Variants in SPATA16 observed in about 807,000 individuals in gnomAD.
SPATA16 encodes the protein spermatogenesis associated 16.
SPATA16 carries 36 observed loss-of-function variants against 63.3 expected under a neutral mutation model. The observed-to-expected ratio is 0.57, with a 90% CI of 0.44 to 0.75. The LOEUF is 0.75. Among genes scored for constraint, SPATA16 ranks in the 30% least tolerant of loss-of-function variants. The probability of loss-of-function intolerance (pLI) is 0.00; values close to 1 mark genes in which losing one functional copy is unlikely to be tolerated. For synonymous variants in SPATA16, 203 were observed against 216.7 expected (o/e 0.94, Z 0.56); for missense variants, 646 against 679.3 (o/e 0.95, Z 0.54).
At chr3:172,912,837 C>T (rs1347709864) in intron 10 of SPATA16, among the ~76,000 whole-genome samples, 1 of 152,132 alleles carries the variant, frequency 6.6e-6, no homozygotes, top group East Asian at 1.9e-4. Flanking sequence ...TGACTGTGCT[C>T]CTAACCACCA....
At chr3:173,089,207 T>C (rs1737160533) in intron 2 of SPATA16, among the ~76,000 whole-genome samples, 1 of 152,116 alleles carries the variant, frequency 6.6e-6, no homozygotes, top group African/African-American at 2.4e-5. Context: ...GGTTTGGGTC[T>C]AGGGGAAGAA....
chr3:173,087,663 G>A (rs940300270), intron 2 of SPATA16, among the ~76,000 whole-genome samples: 3 of 152,136 alleles, frequency 2.0e-5, no homozygotes, highest in African/African-American at 7.2e-5. Context: ...GCTGGTACTG[G>A]TTTTTCCTTT....
intron 10 of SPATA16, among the ~76,000 whole-genome samples, chr3:172,898,971 A>G (rs989584981): frequency 6.6e-6 from 1 of 151,828 alleles, no homozygotes; most frequent in Non-Finnish European, 1.5e-5. Flanking sequence ...TCCATGAACT[A>G]TCCAAGTATT....
At chr3:173,013,657 G>A (rs902274410) in intron 4 of SPATA16, among the ~76,000 whole-genome samples, 3 of 152,314 alleles carry the variant, frequency 2.0e-5, no homozygotes, top group Admixed American at 2.0e-4. Context: ...CAACCCAGAT[G>A]TCCATTATCT....
At chr3:173,056,686 C>G (rs1038587039) in intron 2 of SPATA16, among the ~76,000 whole-genome samples, 5 of 109,850 alleles carry the variant, frequency 4.6e-5, no homozygotes, top group Non-Finnish European at 8.3e-5. Flanking sequence ...CCTGGAGCAA[C>G]AGAGTGAGAC....
intron 2 of SPATA16, among the ~76,000 whole-genome samples, chr3:173,099,162 C>A (rs1484655259): frequency 6.6e-6 from 1 of 152,042 alleles, no homozygotes; most frequent in Non-Finnish European, 1.5e-5. Flanking sequence ...AGGTCATTCA[C>A]CTCATCACAC....
chr3:172,928,443 C>A (rs1271265155), intron 6 of SPATA16, among the ~76,000 whole-genome samples: 1 of 152,116 alleles, frequency 6.6e-6, no homozygotes, highest in Admixed American at 6.5e-5. Flanking sequence ...ACTGAAGTTG[C>A]CAATAACTGG....
chr3:172,967,959 G>T (rs923628057), intron 5 of SPATA16, among the ~76,000 whole-genome samples: 4 of 152,138 alleles, frequency 2.6e-5, no homozygotes, highest in African/African-American at 7.2e-5. Flanking sequence ...AGTGTTATGT[G>T]CTTGAATCAT....
intron 5 of SPATA16, 147 bp from the exon 6 acceptor site, chr3:172,956,971 G>T: frequency 1.1e-6 from 1 of 943,186 alleles, no homozygotes. Context: ...ATATTCATTA[G>T]AACAAAATTT....
chr3:173,052,428 G>C (rs1000544822), intron 2 of SPATA16, among the ~76,000 whole-genome samples: 1 of 152,174 alleles, frequency 6.6e-6, no homozygotes, highest in African/African-American at 2.4e-5. Flanking sequence ...TAGGCTTTAT[G>C]TATGTTTGTT....
chr3:173,004,529 TA>T (rs1734897606), intron 4 of SPATA16, among the ~76,000 whole-genome samples: 1 of 151,936 alleles, frequency 6.6e-6, no homozygotes, highest in African/African-American at 2.4e-5. Flanking sequence ...CTTCATCCTC[TA>T]TGTTAACAGT....
chr3:173,103,614 A>G (rs1312311972), intron 2 of SPATA16, among the ~76,000 whole-genome samples: 7 of 152,212 alleles, frequency 4.6e-5, no homozygotes. Context: ...AAGTGTCCTG[A>G]GGCTGTGCAG....
intron 8 of SPATA16, among the ~76,000 whole-genome samples, chr3:172,919,444 A>G (rs1236583317): frequency 6.6e-6 from 1 of 152,206 alleles, no homozygotes; most frequent in Non-Finnish European, 1.5e-5. Flanking sequence ...TTGTTTGGCC[A>G]TGTATTGTGT....
Position 173,054,048 on chromosome 3 carries a change from G to T in SPATA16, c.613-4954C>A, listed in dbSNP as rs892538339. ...TACAACATAATTTTTCATATGCTCT[G>T]CTTTTTTAAAATTGGAAAATAAAAG... On this transcript the variant is annotated intron_variant, in intron 2 of 10. Transcript: ENST00000351008. 4.0e-5 allele frequency among the ~76,000 whole-genome samples: 6 copies of T among 151,670 alleles called. No individual in the cohort carries two copies. The South Asian group carries it at 1.3e-3, about 32-fold the overall frequency.
chr3:172,970,105 G>A (rs1560083482), intron 5 of SPATA16, among the ~76,000 whole-genome samples: 1 of 152,114 alleles, frequency 6.6e-6, no homozygotes, highest in Non-Finnish European at 1.5e-5. Flanking sequence ...GCAGTAGCTG[G>A]CTAATAAAAA....
chr3:172,998,891 C>CAAA (rs1734753698), intron 4 of SPATA16, among the ~76,000 whole-genome samples: 1 of 152,122 alleles, frequency 6.6e-6, no homozygotes, highest in Non-Finnish European at 1.5e-5. Context: ...ACCTGGAATA[C>CAAA]ATTCCACTTG....
intron 2 of SPATA16, among the ~76,000 whole-genome samples, chr3:173,107,231 G>C (rs1052409934): frequency 3.3e-5 from 5 of 151,846 alleles, no homozygotes; most frequent in African/African-American, 1.2e-4. Context: ...TGATTTCTTG[G>C]TGTAATTTGC....
chr3:172,953,514 C>T (rs937396405), intron 6 of SPATA16, among the ~76,000 whole-genome samples: 5 of 152,086 alleles, frequency 3.3e-5, no homozygotes, highest in East Asian at 1.9e-4. Context: ...CCAACTGGTA[C>T]GGTAAGGGTG....
intron 8 of SPATA16, among the ~76,000 whole-genome samples, chr3:172,921,187 T>C (rs184659046): frequency 1.3e-4 from 20 of 152,162 alleles, no homozygotes; most frequent in African/African-American, 4.6e-4. Context: ...CAGGCAATTT[T>C]TTCCTAGCCA....
Sources: allele counts gnomAD v4.1 joint callset (sites outside exome capture counted in the v4.1 genomes callset), GRCh38; gene constraint gnomAD v4.1.1; transcripts MANE v1.5; gene names NCBI Gene and HGNC (gene_info 2026-07-23, HGNC 2026-07-21).